GCSAM: variants seen among roughly 807,000 people sequenced by gnomAD.
The protein encoded by GCSAM is germinal center associated signaling and motility, also known as germinal center-associated signaling and motility protein.
Under a neutral mutation model 17.6 loss-of-function variants are expected in GCSAM, and 8 were observed. The ratio of observed to expected loss-of-function variants is 0.46; its 90% CI spans 0.27 to 0.82. The LOEUF is 0.82. GCSAM is among the 40% of genes least tolerant of loss of function. The probability of loss-of-function intolerance (pLI) is 0.15; values close to 1 mark genes in which losing one functional copy is unlikely to be tolerated. For synonymous variants in GCSAM, 68 were observed against 69.0 expected (o/e 0.98, Z 0.07); for missense variants, 192 against 213.5 (o/e 0.90, Z 0.63).
At chr3:112,124,159 A>G (rs2074257825) in intron 5 of GCSAM, among the ~76,000 whole-genome samples, 1 of 152,190 alleles carries the variant, frequency 6.6e-6, no homozygotes, top group East Asian at 1.9e-4. Flanking sequence ...CCTCGCAGTT[A>G]TGAGTGTACC....
chr3:112,130,456 CTGTT>C lies in GCSAM; in HGVS notation c.83_86del (p.Lys28ArgfsTer160). 5 of 1,614,008 alleles carry C rather than the reference CTGTT, an allele frequency of 3.1e-6. No individual in the cohort carries two copies. The East Asian group carries it at 1.1e-4, about 36-fold the overall frequency. ...GATTTTGCTCTCACCTGGATGTTCT[CTGTT>C]TGGGGCTTTGCATTCTCACATTCCA... On this transcript the variant is annotated frameshift_variant, in exon 2 of 6. Coordinates refer to ENST00000308910, the MANE Select transcript of GCSAM (RefSeq NM_152785.5). LOFTEE classifies it high-confidence loss of function.
chr3:112,130,793 C>T (rs1172665635), intron 1 of GCSAM: 2 of 451,678 alleles, frequency 4.4e-6, no homozygotes, highest in Admixed American at 3.4e-5. Flanking sequence ...CAGGGATCCT[C>T]GTCATGACCC....
chr3:112,127,135 A>G, intron 3 of GCSAM, 102 bp from the exon 4 acceptor site: 2 of 690,712 alleles, frequency 2.9e-6, no homozygotes, highest in Non-Finnish European at 4.9e-6. Context: ...TTAAAGTTAT[A>G]TACCTTTTAT....
rs141964761 is a variant in GCSAM, at chr3:112,123,528, C to A, written c.464G>T (p.Arg155Ile). Residue 155 changes from arginine (R) to isoleucine (I), a missense_variant, in exon 6 of 6, where the codon AGA becomes ATA. By Grantham distance (97) the Arg-to-Ile change is moderately conservative. Coordinates refer to ENST00000308910, the MANE Select transcript of GCSAM (RefSeq NM_152785.5). ...EDEYELLMPH[R>I]ISSHFLQQPR... ...CTGTTGCAGAAAGTGAGAGGAGATT[C>A]TGTGAGGCATGAGAAGTTCATATTC... 138 of 1,614,148 alleles carry A rather than the reference C, an allele frequency of 8.5e-5. No homozygotes were observed. The African/African-American group carries it at 1.7e-3, about 19-fold the overall frequency.
In GCSAM at chr3:112,130,488, G is replaced by A. The variant is rs760596281; in HGVS notation, c.55C>T (p.Pro19Ser). The A allele has an allele frequency of 9.3e-6, 15 of 1,613,808 alleles. No individual in the cohort carries two copies. The highest frequency in any genetic ancestry group is 3.3e-5 in the South Asian group (3 of 91,080). ...GGGCTTTGCATTCTCACATTCCAAG[G>A]CATCTCTTGAGTGTTCTGCTGCCGC... ...NRRQQNTQEM[P>S]WNVRMQSPKQ... Residue 19 changes from proline (P) to serine (S), a missense_variant, in exon 2 of 6, where the codon CCT (proline) becomes TCT (serine). Transcript: ENST00000308910.
chr3:112,127,896 T>C (rs1371105630), intron 3 of GCSAM, 121 bp downstream of exon 3: 5 of 754,978 alleles, frequency 6.6e-6, no homozygotes, highest in Non-Finnish European at 1.2e-5. Flanking sequence ...TCTTAGGTGA[T>C]TGTATCTGGG....
rs1576172095 is a variant in GCSAM at position 112,130,636 on chromosome 3, G to C, written c.30-123C>G. On this transcript the variant is annotated intron_variant, in intron 1 of 5. Transcript: ENST00000308910. ...TGTGTAACTCAGAAATTGACTGGTT[G>C]CCCTCACACATGTTAATACTGTTTC... is the stretch of plus-strand genomic sequence containing the variant. The C allele has an allele frequency of 1.7e-5, 14 of 841,014 alleles. No homozygotes were observed. The East Asian group carries it at 3.4e-4, about 20-fold the overall frequency. 52.1% of individuals were successfully genotyped at this position (841,014 alleles called of 1,614,324 possible). A position where few individuals can be genotyped will look rare whatever the true frequency, so the allele number is the denominator to read the frequency against.
At chr3:112,125,007 A>G (rs1023778446) in intron 5 of GCSAM, among the ~76,000 whole-genome samples, 2 of 152,248 alleles carry the variant, frequency 1.3e-5, no homozygotes, top group East Asian at 3.8e-4. Flanking sequence ...TGAAGTGGTC[A>G]GTAAATTTAA....
At chr3:112,130,068 T>G (rs1190578771) in intron 2 of GCSAM, 1 of 188,642 alleles carries the variant, frequency 5.3e-6, no homozygotes, top group Non-Finnish European at 1.1e-5. Context: ...ATGGGGCATG[T>G]GGTCACTTCA....
At chr3:112,124,617 A>C (rs2074268790) in intron 5 of GCSAM, among the ~76,000 whole-genome samples, 1 of 152,156 alleles carries the variant, frequency 6.6e-6, no homozygotes, top group Admixed American at 6.5e-5. Flanking sequence ...TCCAAAAAAT[A>C]AATAAATAAA....
chr3:112,130,650 T>A, intron 1 of GCSAM, 137 bp from the exon 2 acceptor site: 1 of 749,912 alleles, frequency 1.3e-6, no homozygotes, highest in Non-Finnish European at 2.4e-6. Context: ...TCACACATGT[T>A]AATACTGTTT....
In GCSAM at chr3:112,128,411, TC is replaced by T; in HGVS notation, c.99-351del. 5.0e-6 allele frequency: 2 copies of T among 404,010 alleles called. 1 individual carries two copies. The highest frequency in any genetic ancestry group is 4.3e-5 in the South Asian group (2 of 46,770). 25.0% of individuals were successfully genotyped at this position (404,010 alleles called of 1,614,324 possible). On this transcript the variant is annotated intron_variant, in intron 2 of 5. Coordinates refer to ENST00000308910, the MANE Select transcript of GCSAM (RefSeq NM_152785.5). ...TACAAGTGTATGGAAATTTTACAAA[TC>T]ATTTTTTTCAGGTATGGGTTAGGCA...
Position 112,123,634 on chromosome 3 carries a change from A to G in GCSAM, c.358T>C (p.Ser120Pro). The change falls in exon 6 of 6, where the codon TCC (serine) becomes CCC (proline). Residue 120 changes from serine to proline, a missense_variant. Physicochemically the swap from Ser to Pro is moderately conservative, Grantham distance 74 (BLOSUM62 -1). Coordinates refer to ENST00000308910, the MANE Select transcript of GCSAM (RefSeq NM_152785.5). ...TACTCAGTCTCAGTTCCTCCCAAGG[A>G]CTCTCTGGGTCTCTCAGCTTTGCAG... ...VPCKAERPRESLGGTETEYSL... is the reference protein window; with the variant it reads ...VPCKAERPREPLGGTETEYSL... 1 of 1,613,764 alleles carries G rather than the reference A, an allele frequency of 6.2e-7. No individual in the cohort carries two copies. The highest frequency in any genetic ancestry group is 2.2e-5 in the East Asian group (1 of 44,880).
chr3:112,133,246 CA>C lies in GCSAM; in HGVS notation c.-127del, dbSNP rs1277800408. ...GCTCTGGCCACCCGTGCAGAGACAG[CA>C]GAAAGGAGAAGGGTGTCTCTGCAGA... On this transcript the variant is annotated 5_prime_UTR_variant, in exon 1 of 6. Transcript: ENST00000308910. 6 of 967,714 alleles carry C rather than the reference CA, an allele frequency of 6.2e-6. No homozygotes were observed. The highest frequency in any genetic ancestry group is 9.8e-6 in the Non-Finnish European group (6 of 610,492). The allele number at this position is 967,714 out of a possible 1,614,324, so 59.9% of individuals were successfully genotyped here. A position where few individuals can be genotyped will look rare whatever the true frequency, so the allele number is the denominator to read the frequency against.
chr3:112,125,770 T>C (rs908611774), intron 4 of GCSAM, among the ~76,000 whole-genome samples: 1 of 152,242 alleles, frequency 6.6e-6, no homozygotes, highest in African/African-American at 2.4e-5. Flanking sequence ...ATAATTGGTG[T>C]TCAAGGAGTT....
Position 112,122,629 on chromosome 3 carries a change from A to G in GCSAM, c.*826T>C, listed in dbSNP as rs2074221994. 1 of 152,166 alleles carries G rather than the reference A, an allele frequency of 6.6e-6. No individual in the cohort carries two copies. The highest frequency in any genetic ancestry group is 2.4e-5 in the African/African-American group (1 of 41,440). 9.4% of individuals were successfully genotyped at this position (152,166 alleles called of 1,614,324 possible). A position where few individuals can be genotyped will look rare whatever the true frequency, so the allele number is the denominator to read the frequency against. Reference sequence around the variant, plus strand: ...TTTAATATATTGCAGAGGGCTTTCTATTTAGCATACTGGGGGAGCACTAAA... The same window carrying G: ...TTTAATATATTGCAGAGGGCTTTCTGTTTAGCATACTGGGGGAGCACTAAA... On this transcript the variant is annotated 3_prime_UTR_variant, in exon 6 of 6. Transcript: ENST00000308910.
chr3:112,130,631 T>C (rs2107813777), intron 1 of GCSAM, 118 bp from the exon 2 acceptor site: 1 of 888,008 alleles, frequency 1.1e-6, no homozygotes, highest in Non-Finnish European at 1.9e-6. Context: ...AGAAATTGAC[T>C]GGTTGCCCTC....
chr3:112,122,962 ATGACT>A lies in GCSAM; in HGVS notation c.*488_*492del, dbSNP rs1319438598. On this transcript the variant is annotated 3_prime_UTR_variant, in exon 6 of 6. Transcript: ENST00000308910. ...GGTCAAAGGACACTATGTAAAAGAC[ATGACT>A]TAGACACATGGAGTGAGAGGAGCAA... The A allele has an allele frequency of 6.1e-6, 1 of 164,546 alleles. No homozygotes were observed. Among genetic ancestry groups the A allele is most frequent in the Non-Finnish European group, 1.3e-5 (1 of 75,000 alleles). 10.2% of individuals were successfully genotyped at this position (164,546 alleles called of 1,614,324 possible).
intron 2 of GCSAM, chr3:112,129,247 G>A (rs772035812): frequency 6.6e-5 from 10 of 152,328 alleles, no homozygotes; most frequent in Middle Eastern, 3.4e-3. Flanking sequence ...AATGAGATAA[G>A]AGGAGGGGGA....
Sources: allele counts gnomAD v4.1 joint callset (sites outside exome capture counted in the v4.1 genomes callset), GRCh38; gene constraint gnomAD v4.1.1; transcripts MANE v1.5; gene names NCBI Gene and HGNC (gene_info 2026-07-23, HGNC 2026-07-21).